GPHN: variants seen among roughly 807,000 people sequenced by gnomAD.
GPHN encodes the protein gephyrin.
GPHN carries 17 observed loss-of-function variants against 95.5 expected under a neutral mutation model. That is an observed-to-expected ratio of 0.18 (90% CI 0.12 to 0.27). The LOEUF (loss-of-function observed/expected upper bound fraction) is 0.27, where lower values mean the gene tolerates loss of function less well. Ranked by LOEUF, GPHN falls within the 10% of genes least tolerant of loss-of-function variation. The probability of loss-of-function intolerance (pLI) is 1.00; values close to 1 mark genes in which losing one functional copy is unlikely to be tolerated. For synonymous variants in GPHN, 320 were observed against 322.5 expected (o/e 0.99, Z 0.08); for missense variants, 660 against 978.1 (o/e 0.67, Z 4.34).
chr14:67,096,789 G>T (rs991364111), intron 12 of GPHN, among the ~76,000 whole-genome samples: 2 of 139,648 alleles, frequency 1.4e-5, no homozygotes, highest in Non-Finnish European at 3.0e-5. Context: ...ACCACACCTG[G>T]CTATTTTTTG....
At chr14:67,358,738 G>A in the GPHN span, among the ~76,000 whole-genome samples, 1 of 152,168 alleles carries the variant, frequency 6.6e-6, no homozygotes, top group Admixed American at 6.5e-5. Flanking sequence ...ACAGGATGAG[G>A]AGGAGAAAGG....
chr14:67,682,984 G>A, the GPHN span, among the ~76,000 whole-genome samples: 2 of 152,256 alleles, frequency 1.3e-5, no homozygotes, highest in Non-Finnish European at 2.9e-5. Context: ...GTCACAAAAG[G>A]CCACATACCA....
chr14:67,574,292 G>A, the GPHN span: 2 of 1,608,696 alleles, frequency 1.2e-6, no homozygotes, highest in Non-Finnish European at 1.7e-6. The surrounding 1 kb of genome is among the most constrained non-coding windows in gnomAD (Gnocchi z 4.2). Context: ...CACCCAGCCT[G>A]CTGGAGGAGT....
the GPHN span, among the ~76,000 whole-genome samples, chr14:67,323,261 G>GTGTGTGTATA: frequency 8.1e-6 from 1 of 124,140 alleles, no homozygotes; most frequent in Non-Finnish European, 1.8e-5. Flanking sequence ...GTGTGTGTGT[G>GTGTGTGTATA]TATATATATA....
chr14:67,620,953 G>C, the GPHN span: 4 of 1,614,108 alleles, frequency 2.5e-6, no homozygotes, highest in East Asian at 2.2e-5. Flanking sequence ...TGATGAAAAG[G>C]CTCTCCAGTT....
chr14:67,555,136 T>C, the GPHN span, among the ~76,000 whole-genome samples: 1 of 152,180 alleles, frequency 6.6e-6, no homozygotes, highest in Non-Finnish European at 1.5e-5. Flanking sequence ...CAGGCTGGTC[T>C]TGAACTCCAG....
chr14:67,102,623 G>C (rs2077776443), intron 13 of GPHN, among the ~76,000 whole-genome samples: 1 of 151,868 alleles, frequency 6.6e-6, no homozygotes, highest in Non-Finnish European at 1.5e-5. Flanking sequence ...TCTCACCACT[G>C]CACTCCAGCC....
At chr14:67,290,563 A>C in the GPHN span, among the ~76,000 whole-genome samples, 1 of 152,324 alleles carries the variant, frequency 6.6e-6, no homozygotes, top group Admixed American at 6.5e-5. Flanking sequence ...ATTTTTAAAA[A>C]TTATTGTTAT....
downstream of GPHN, among the ~76,000 whole-genome samples, chr14:67,183,588 A>AGTCTTGCTCTTGTCACCCAG (rs2083352451): frequency 6.6e-6 from 1 of 151,960 alleles, no homozygotes; most frequent in African/African-American, 2.4e-5. Context: ...TTTGAGGTGG[A>AGTCTTGCTCTTGTCACCCAG]GTCTTGCTCT....
At chr14:67,115,311 C>T (rs1172802201) in intron 16 of GPHN, among the ~76,000 whole-genome samples, 1 of 151,394 alleles carries the variant, frequency 6.6e-6, no homozygotes, top group Non-Finnish European at 1.5e-5. Flanking sequence ...ACCTAGAAAA[C>T]AATAGCAAAA....
At chr14:67,727,096 C>T in the GPHN span, 1 of 1,614,214 alleles carries the variant, frequency 6.2e-7, no homozygotes, top group East Asian at 2.2e-5. Flanking sequence ...TCCACGACCT[C>T]CAGAGCGAGA....
intron 5 of GPHN, among the ~76,000 whole-genome samples, chr14:66,900,486 TTTC>T (rs2153547432): frequency 6.6e-6 from 1 of 151,882 alleles, no homozygotes; most frequent in South Asian, 2.1e-4. Flanking sequence ...CTAGGTCTTA[TTTC>T]TTCTATCAAA....
the GPHN span, chr14:67,650,347 G>A: frequency 7.6e-6 from 2 of 262,662 alleles, no homozygotes; most frequent in Non-Finnish European, 1.5e-5. Context: ...GCATCTGGAA[G>A]GTTCCTAGTC....
the GPHN span, among the ~76,000 whole-genome samples, chr14:67,191,971 C>G: frequency 3.1e-3 from 472 of 152,282 alleles, no homozygotes; most frequent in South Asian, 6.0e-3. Flanking sequence ...ACTTGAAAAA[C>G]AAGAGAAAGG....
At chr14:66,657,457 A>G (rs143329810) in intron 1 of GPHN, among the ~76,000 whole-genome samples, 92 of 152,348 alleles carry the variant, frequency 6.0e-4, no homozygotes, top group Non-Finnish European at 3.1e-4. Context: ...TAGATGAAAT[A>G]GCCTTCTGCT....
At chr14:67,575,001 G>C in the GPHN span, among the ~76,000 whole-genome samples, 9 of 152,180 alleles carry the variant, frequency 5.9e-5, no homozygotes, top group Non-Finnish European at 2.9e-5. Context: ...CTTCGCCCGT[G>C]TGCAGCTTCT....
At chr14:67,729,107 A>C in the GPHN span, 1 of 1,371,102 alleles carries the variant, frequency 7.3e-7, no homozygotes. Context: ...CCTCCTTCTC[A>C]CTTGTGTATT....
the GPHN span, chr14:67,376,294 A>T: frequency 9.0e-6 from 7 of 775,612 alleles, no homozygotes; most frequent in Non-Finnish European, 1.4e-5. Context: ...TACTTTTTAT[A>T]CCCACTTAAA....
At chr14:67,527,573 G>A in the GPHN span, among the ~76,000 whole-genome samples, 2 of 152,218 alleles carry the variant, frequency 1.3e-5, no homozygotes, top group Non-Finnish European at 2.9e-5. Flanking sequence ...GCAGTGCCCT[G>A]CAATGGCTGG....
Sources: gnomAD v4.1 joint callset for allele counts (sites outside exome capture counted in the v4.1 genomes callset) on GRCh38, gnomAD v4.1.1 for gene constraint, Gnocchi (gnomAD v3.1) non-coding constraint, MANE v1.5 for transcripts, NCBI Gene and HGNC (gene_info 2026-07-23, HGNC 2026-07-21) for gene names.